CNTNAP2: variants seen among roughly 807,000 people sequenced by gnomAD.
The protein encoded by CNTNAP2 is contactin associated protein 2, also known as contactin-associated protein-like 2.
CNTNAP2 carries 98 observed loss-of-function variants against 155.2 expected under a neutral mutation model. The ratio of observed to expected loss-of-function variants is 0.63; its 90% confidence interval spans 0.54 to 0.75. CNTNAP2 has a LOEUF of 0.75. CNTNAP2 is among the 30% of genes least tolerant of loss of function. The pLI is 0.00. For missense variants in CNTNAP2, 1,727 were observed against 1,688.1 expected, an observed-to-expected ratio of 1.02 and a Z score of -0.40; for synonymous variants, 651 against 631.2, an observed-to-expected ratio of 1.03 and a Z score of -0.47.
intron 4 of CNTNAP2, among the ~76,000 whole-genome samples, chr7:147,056,065 C>T (rs752276739): frequency 1.1e-4 from 16 of 152,030 alleles, no homozygotes; most frequent in Admixed American, 2.0e-4. Flanking sequence ...TTTAACAATC[C>T]GAATTTAATA....
At chr7:146,839,676 A>G in intron 2 of CNTNAP2, 35 bp from the exon 3 acceptor site, 2 of 1,610,350 alleles carry the variant, frequency 1.2e-6, no homozygotes, top group Non-Finnish European at 1.7e-6. Flanking sequence ...AAATTTAAAT[A>G]TTCATTTTCC....
At chr7:147,612,758 G>A (rs1801211892) in intron 12 of CNTNAP2, among the ~76,000 whole-genome samples, 1 of 151,956 alleles carries the variant, frequency 6.6e-6, no homozygotes, top group South Asian at 2.1e-4. Flanking sequence ...ATATTTTATT[G>A]ATATCTGTGT....
In CNTNAP2 at chr7:147,368,460, TAG is replaced by T. The variant is rs139530472; in HGVS notation, c.1499-27146_1499-27145del. 5.9e-3 allele frequency among the ~76,000 whole-genome samples: 895 copies of T among 152,242 alleles called. 23 individuals carry two copies. The highest frequency in any genetic ancestry group is 0.039 in the Admixed American group (593 of 15,272). ...AGTACTTTTGTACTTACTTGAAATATAGAGTGTCTAATATTTTGAGGCATTTC... is the reference window on the plus strand; with the variant it reads ...AGTACTTTTGTACTTACTTGAAATATAGTGTCTAATATTTTGAGGCATTTC... On this transcript the variant is annotated intron_variant, in intron 9 of 23. Transcript: ENST00000361727.
intron 1 of CNTNAP2, among the ~76,000 whole-genome samples, chr7:146,371,462 G>A (rs1023857972): frequency 3.6e-5 from 5 of 140,298 alleles, no homozygotes; most frequent in African/African-American, 1.1e-4. Context: ...TCCGCCTCCC[G>A]GGTTCATGCC....
At chr7:148,112,952 G>C (rs1399222044) in intron 15 of CNTNAP2, among the ~76,000 whole-genome samples, 4 of 152,042 alleles carry the variant, frequency 2.6e-5, no homozygotes, top group Non-Finnish European at 4.4e-5. Flanking sequence ...GGGAAGCAGG[G>C]AACTGCTTTT....
chr7:146,792,550 C>T lies in CNTNAP2; in HGVS notation c.208+18169C>T, dbSNP rs755355278. 4.8e-4 allele frequency among the ~76,000 whole-genome samples: 73 copies of T among 152,208 alleles called. 4 individuals are homozygous for T. Among genetic ancestry groups the T allele is most frequent in the Non-Finnish European group, 1.0e-4 (7 of 68,042 alleles). ...AAGTGTCAAAATCAGTGTTGAAAGG[C>T]TGCTCAAACTACAGAAAATGAGGTA... On this transcript the variant is annotated intron_variant, in intron 2 of 23. Transcript: ENST00000361727.
chr7:147,249,604 TAAA>T lies in CNTNAP2; in HGVS notation c.1349-50518_1349-50516del, dbSNP rs755601249. Among the ~76,000 whole-genome samples the T allele has an allele frequency of 1.4e-3, 101 of 69,986 alleles. 4 individuals are homozygous for T. Among genetic ancestry groups the T allele is most frequent in the African/African-American group, 4.3e-3 (72 of 16,758 alleles). The allele number at this position is 69,986 out of a possible 152,430, so 45.9% of individuals were successfully genotyped here. On this transcript the variant is annotated intron_variant, in intron 8 of 23. Coordinates refer to ENST00000361727, the MANE Select transcript of CNTNAP2 (RefSeq NM_014141.6). ...CTATAATAAAGGAAGACATTGGAGG[TAAA>T]AAAAAAAAAAAAAAAAAAGGTTTCA...
At chr7:147,291,050 C>T (rs1288856434) in intron 8 of CNTNAP2, among the ~76,000 whole-genome samples, 3 of 152,286 alleles carry the variant, frequency 2.0e-5, no homozygotes, top group Admixed American at 6.5e-5. Context: ...TTTTCTCTCC[C>T]TCAGAAAGTT....
intron 8 of CNTNAP2, among the ~76,000 whole-genome samples, chr7:147,255,290 CAA>C (rs1804296339): frequency 6.6e-6 from 1 of 152,126 alleles, no homozygotes; most frequent in Non-Finnish European, 1.5e-5. Context: ...AGTGGAATCT[CAA>C]CTCACTGCAA....
At chr7:146,155,915 G>A (rs894311247) in intron 1 of CNTNAP2, among the ~76,000 whole-genome samples, 2 of 151,726 alleles carry the variant, frequency 1.3e-5, no homozygotes, top group African/African-American at 4.8e-5. Flanking sequence ...TGTTGGTCAG[G>A]CTGGTCTCAA....
intron 13 of CNTNAP2, among the ~76,000 whole-genome samples, chr7:147,678,704 A>G (rs1352070242): frequency 6.6e-6 from 1 of 151,974 alleles, no homozygotes; most frequent in African/African-American, 2.4e-5. Context: ...CCACGAAAGC[A>G]TATTTAGGTA....
At chr7:147,794,176 C>A (rs1043078282) in intron 13 of CNTNAP2, among the ~76,000 whole-genome samples, 1 of 151,908 alleles carries the variant, frequency 6.6e-6, no homozygotes, top group Non-Finnish European at 1.5e-5. Context: ...ATGACTAGAA[C>A]CTCCTATAAA....
intron 16 of CNTNAP2, among the ~76,000 whole-genome samples, chr7:148,126,320 A>G (rs556047569): frequency 6.6e-6 from 1 of 152,356 alleles, no homozygotes; most frequent in African/African-American, 2.4e-5. Flanking sequence ...GGCATGTGGT[A>G]GGAACTAAAT....
At chr7:148,024,556 T>C (rs142618904) in intron 15 of CNTNAP2, among the ~76,000 whole-genome samples, 6 of 152,328 alleles carry the variant, frequency 3.9e-5, no homozygotes, top group Non-Finnish European at 5.9e-5. Flanking sequence ...TATCAATGAC[T>C]TCCAGGAGTG....
At chr7:146,548,299 G>A (rs1798060814) in intron 1 of CNTNAP2, among the ~76,000 whole-genome samples, 1 of 151,930 alleles carries the variant, frequency 6.6e-6, no homozygotes, top group African/African-American at 2.4e-5. Context: ...GTATGATTTT[G>A]TTCTTTTTTA....
At chr7:147,601,331 T>C (rs1344779318) in intron 12 of CNTNAP2, among the ~76,000 whole-genome samples, 1 of 151,506 alleles carries the variant, frequency 6.6e-6, no homozygotes, top group Non-Finnish European at 1.5e-5. Context: ...GGCCGTTTTA[T>C]AGGATTTGGG....
intron 5 of CNTNAP2, among the ~76,000 whole-genome samples, chr7:147,119,903 T>G (rs1376523499): frequency 6.6e-6 from 1 of 152,162 alleles, no homozygotes; most frequent in African/African-American, 2.4e-5. Flanking sequence ...TGCCTGACCA[T>G]AAAAAGCAAT....
chr7:147,660,225 C>A (rs1226440565), intron 13 of CNTNAP2, among the ~76,000 whole-genome samples: 1 of 152,200 alleles, frequency 6.6e-6, no homozygotes, highest in Non-Finnish European at 1.5e-5. Context: ...AGAAGACTGA[C>A]TTTTTCAATG....
intron 18 of CNTNAP2, 129 bp downstream of exon 18, chr7:148,172,607 C>A: frequency 1.1e-6 from 1 of 898,262 alleles, no homozygotes; most frequent in Non-Finnish European, 1.8e-6. Context: ...ATTTTTCTCT[C>A]AACTTAGGTA....
Sources: gnomAD v4.1 joint callset for allele counts (sites outside exome capture counted in the v4.1 genomes callset) on GRCh38, gnomAD v4.1.1 for gene constraint, MANE v1.5 for transcripts, NCBI Gene and HGNC (gene_info 2026-07-23, HGNC 2026-07-21) for gene names.